The following STAM2 variants were observed in gnomAD, a reference collection of about 807,000 sequenced individuals.
STAM2 encodes the protein signal transducing adaptor molecule 2.
STAM2 carries 51 observed loss-of-function variants against 65.6 expected under a neutral mutation model. The observed-to-expected ratio is 0.78, with a 90% CI of 0.62 to 0.98. The LOEUF (loss-of-function observed/expected upper bound fraction) is 0.98. Ranked by LOEUF, STAM2 falls within the 50% of genes least tolerant of loss-of-function variation. STAM2 has a pLI of 0.00. For synonymous variants in STAM2, 198 were observed against 208.4 expected, an observed-to-expected ratio of 0.95 and a Z score of 0.43; for missense variants, 584 against 617.8, an observed-to-expected ratio of 0.95 and a Z score of 0.58.
At chr2:152,144,058 A>G (rs1361807908) in intron 6 of STAM2, 45 bp from the exon 7 acceptor site, 1 of 1,516,186 alleles carries the variant, frequency 6.6e-7, no homozygotes. Flanking sequence ...ATTAATTTTG[A>G]TAAAATAAAC....
At chr2:152,158,441 A>G (rs1439714948) in intron 1 of STAM2, among the ~76,000 whole-genome samples, 2 of 151,842 alleles carry the variant, frequency 1.3e-5, no homozygotes, top group Non-Finnish European at 2.9e-5. Flanking sequence ...ACATCACTAC[A>G]CTCCAACCTG....
At chr2:152,140,863 A>T (rs948450440) in intron 7 of STAM2, among the ~76,000 whole-genome samples, 2 of 152,112 alleles carry the variant, frequency 1.3e-5, no homozygotes, top group African/African-American at 4.8e-5. Flanking sequence ...GGCCAGGCAC[A>T]GTGGCTCACG....
chr2:152,163,472 C>T (rs188174228), intron 1 of STAM2, among the ~76,000 whole-genome samples: 40 of 39,504 alleles, frequency 1.0e-3, no homozygotes, highest in African/African-American at 3.4e-3. Context: ...TTGTAAAAGA[C>T]GTGTGTTTGA....
intron 7 of STAM2, among the ~76,000 whole-genome samples, chr2:152,140,647 T>C (rs1689229247): frequency 6.6e-6 from 1 of 152,240 alleles, no homozygotes; most frequent in African/African-American, 2.4e-5. Context: ...GCAACTTTTC[T>C]AAAGCCTGGA....
chr2:152,133,294 A>T, intron 9 of STAM2, 34 bp from the exon 10 acceptor site: 1 of 1,559,224 alleles, frequency 6.4e-7, no homozygotes. Flanking sequence ...TCAAAAACTC[A>T]AGAGTTTTAA....
intron 1 of STAM2, among the ~76,000 whole-genome samples, chr2:152,168,047 A>G (rs1033998757): frequency 2.0e-5 from 3 of 152,196 alleles, no homozygotes; most frequent in African/African-American, 4.8e-5. Flanking sequence ...CAAGAGATAA[A>G]GAAATGATAT....
At chr2:152,141,074 G>A (rs1689237220) in intron 7 of STAM2, among the ~76,000 whole-genome samples, 1 of 150,500 alleles carries the variant, frequency 6.6e-6, no homozygotes, top group Non-Finnish European at 1.5e-5. Flanking sequence ...GGGAGGTGGA[G>A]GTTGCAGTGA....
intron 1 of STAM2, among the ~76,000 whole-genome samples, chr2:152,172,900 G>A (rs1201836107): frequency 6.6e-6 from 1 of 151,756 alleles, no homozygotes; most frequent in African/African-American, 2.4e-5. Context: ...AGAAAAGGTG[G>A]GAAGGAGAGG....
chr2:152,151,223 G>A (rs1416158109), intron 1 of STAM2, among the ~76,000 whole-genome samples: 1 of 150,260 alleles, frequency 6.7e-6, no homozygotes, highest in Non-Finnish European at 1.5e-5. Flanking sequence ...TGTTGCCCAG[G>A]CTGGCTGGAG....
chr2:152,169,390 C>A (rs1303223165), intron 1 of STAM2, among the ~76,000 whole-genome samples: 2 of 152,092 alleles, frequency 1.3e-5, no homozygotes, highest in African/African-American at 4.8e-5. Context: ...CATCCTCCCA[C>A]CTCCATCTCC....
chr2:152,159,830 C>T (rs929453572), intron 1 of STAM2, among the ~76,000 whole-genome samples: 4 of 152,242 alleles, frequency 2.6e-5, no homozygotes, highest in Non-Finnish European at 4.4e-5. Flanking sequence ...ACCTCCCTGC[C>T]TCATTCTCCT....
chr2:152,131,764 T>C lies in STAM2; in HGVS notation c.1025+350A>G, dbSNP rs2105534367. On this transcript the variant is annotated intron_variant, in intron 11 of 13. Transcript: ENST00000263904. Reference sequence around the variant, plus strand: ...GTTGGCCAAAACTGCTGTCCATCACTACAGTGGCAATGATGGGCACGGCAT... The same window carrying C: ...GTTGGCCAAAACTGCTGTCCATCACCACAGTGGCAATGATGGGCACGGCAT... 3 of 247,740 alleles carry C rather than the reference T, an allele frequency of 1.2e-5. No individual in the cohort carries two copies. In the South Asian group the frequency reaches 1.9e-4, roughly 15 times the overall value. 15.3% of individuals were successfully genotyped at this position (247,740 alleles called of 1,614,324 possible).
At position 152,144,885 on chromosome 2, in the gene STAM2, T is replaced by G; in HGVS notation, c.517+3A>C. 6.2e-7 allele frequency: 1 copy of G among 1,613,128 alleles called. No homozygotes were observed. Among genetic ancestry groups the G allele is most frequent in the Non-Finnish European group, 8.5e-7 (1 of 1,179,072 alleles). The stretch of plus-strand genomic sequence containing the variant: ...ACTAAATTACATGTGCTTGATCATT[T>G]ACCTTTAGCTATGTCTTCATCCTCT... On this transcript the variant is annotated splice_donor_region_variant and intron_variant, in intron 6 of 13. Coordinates refer to ENST00000263904, the MANE Select transcript of STAM2 (RefSeq NM_005843.6).
rs1292386925 is a variant in STAM2, at chr2:152,123,703, T to C, written c.1349+63A>G. 2.7e-6 allele frequency: 4 copies of C among 1,486,532 alleles called. No homozygotes were observed. The Admixed American group carries it at 7.0e-5, about 26-fold the overall frequency. The allele number at this position is 1,486,532 out of a possible 1,614,324, so 92.1% of individuals were successfully genotyped here. A position where few individuals can be genotyped will look rare whatever the true frequency, so the allele number is the denominator to read the frequency against. On this transcript the variant is annotated intron_variant, in intron 13 of 13. Coordinates refer to ENST00000263904, the MANE Select transcript of STAM2 (RefSeq NM_005843.6). ...CTTCATCTTAATAAGGGTCTATATATTCTCATTCTGAAAATCTAGGAAAAT... is the reference window on the plus strand; with the variant it reads ...CTTCATCTTAATAAGGGTCTATATACTCTCATTCTGAAAATCTAGGAAAAT...
intron 1 of STAM2, among the ~76,000 whole-genome samples, chr2:152,162,443 G>T (rs1054448164): frequency 3.9e-5 from 6 of 152,238 alleles, no homozygotes; most frequent in African/African-American, 1.4e-4. Context: ...AGTCTGGTAC[G>T]GTGATGCGCA....
intron 1 of STAM2, among the ~76,000 whole-genome samples, chr2:152,166,510 TA>T (rs750935076): frequency 9.2e-5 from 14 of 152,202 alleles, no homozygotes; most frequent in Non-Finnish European, 1.3e-4. Flanking sequence ...TCTTAACACC[TA>T]TAAGCAGGTG....
rs1196251855 is a variant in STAM2, at chr2:152,156,455, C to T, written c.41-6226G>A. 2.6e-5 allele frequency among the ~76,000 whole-genome samples: 4 copies of T among 152,126 alleles called. No individual in the cohort carries two copies. The East Asian group carries it at 7.7e-4, about 29-fold the overall frequency. On this transcript the variant is annotated intron_variant, in intron 1 of 13. Transcript: ENST00000263904. ...CATGTCACTTTGCCCAATGTTGGGGCCCTATATCACATTATTCTGTGTCAA... is the reference window on the plus strand; with the variant it reads ...CATGTCACTTTGCCCAATGTTGGGGTCCTATATCACATTATTCTGTGTCAA...
chr2:152,175,182 T>C (rs1405753798), intron 1 of STAM2, among the ~76,000 whole-genome samples: 4 of 152,198 alleles, frequency 2.6e-5, no homozygotes, highest in Admixed American at 1.3e-4. Flanking sequence ...AAGTGTCTAG[T>C]GTTGGGCTTC....
chr2:152,161,494 T>TAAAA (rs10714838), intron 1 of STAM2, among the ~76,000 whole-genome samples: 61 of 103,476 alleles, frequency 5.9e-4, no homozygotes, highest in East Asian at 2.1e-3. Flanking sequence ...GAATGATCAA[T>TAAAA]AAAAAAAAAA....
Sources: allele counts gnomAD v4.1 joint callset (sites outside exome capture counted in the v4.1 genomes callset), GRCh38; gene constraint gnomAD v4.1.1; transcripts MANE v1.5; gene names NCBI Gene and HGNC (gene_info 2026-07-23, HGNC 2026-07-21).